The following CELF2 variants were observed in gnomAD, a reference collection of about 807,000 sequenced individuals.
CELF2 encodes the protein CUG triplet repeat RNA-binding protein 2.
A neutral mutation model predicts 62.6 loss-of-function variants in CELF2; 8 were observed. That is an observed-to-expected ratio of 0.13 (90% CI 0.07 to 0.23). CELF2 has a LOEUF of 0.23. Among genes scored for constraint, CELF2 ranks in the 10% least tolerant of loss-of-function variants. The pLI, the probability that CELF2 is intolerant of heterozygous loss-of-function variation, is 1.00. For synonymous variants in CELF2, 258 were observed against 250.0 expected, an observed-to-expected ratio of 1.03 and a Z score of -0.30; for missense variants, 333 against 671.0, an observed-to-expected ratio of 0.50 and a Z score of 5.56.
At chr10:11,252,357 C>G (rs989528966) in intron 4 of CELF2, among the ~76,000 whole-genome samples, 1 of 152,224 alleles carries the variant, frequency 6.6e-6, no homozygotes, top group Non-Finnish European at 1.5e-5. Flanking sequence ...ATTGAGTTTG[C>G]TGACATTTAT....
chr10:10,983,447 A>G lies in CELF2; in HGVS notation c.89+63448A>G, dbSNP rs1209425330. On this transcript the variant is annotated intron_variant, in intron 2 of 13. Transcript: ENST00000636488. The surrounding 1 kb of genome is among the most constrained non-coding windows in gnomAD (Gnocchi z 5.2). ...TGAGAAGCAAAGAGTAAACACATATATAACATGGTTCTAGTTCTTGTACTG... is the reference window on the plus strand; with the variant it reads ...TGAGAAGCAAAGAGTAAACACATATGTAACATGGTTCTAGTTCTTGTACTG... Among the ~76,000 whole-genome samples, 11 of 152,210 alleles carry G rather than the reference A, an allele frequency of 7.2e-5. No individual in the cohort carries two copies. The highest frequency in any genetic ancestry group is 6.5e-4 in the Admixed American group (10 of 15,282).
At chr10:10,918,017 C>T (rs933898249) in intron 1 of CELF2, 1 of 152,174 alleles carries the variant, frequency 6.6e-6, no homozygotes, top group African/African-American at 2.4e-5. Flanking sequence ...TATCTTAACT[C>T]TGTGCTGTTA....
chr10:11,265,730 A>G (rs1020033689), intron 5 of CELF2, among the ~76,000 whole-genome samples: 7 of 152,234 alleles, frequency 4.6e-5, no homozygotes, highest in Non-Finnish European at 8.8e-5. Flanking sequence ...GGCACTACAG[A>G]GTCTAGTTAT....
the CELF2 span, among the ~76,000 whole-genome samples, chr10:10,604,975 T>C: frequency 1.3e-5 from 2 of 152,248 alleles, no homozygotes; most frequent in East Asian, 3.9e-4. Context: ...TGCACATTTA[T>C]GTTCATCGCA....
the CELF2 span, among the ~76,000 whole-genome samples, chr10:10,566,524 C>A: frequency 1.3e-5 from 2 of 149,678 alleles, no homozygotes; most frequent in African/African-American, 4.9e-5. Context: ...CCCACTAACT[C>A]GTCATCTAGC....
rs905681949 is a variant in CELF2 at position 11,305,418 on chromosome 10, C to T, written c.977-8721C>T. On this transcript the variant is annotated intron_variant, in intron 9 of 12. Transcript: ENST00000633077. The surrounding 1 kb of genome is among the most constrained non-coding windows in gnomAD (Gnocchi z 4.8). ...TACACCGGGGCCAGTCCCTTCAACA[C>T]TCTGGGCCTCTGCTTCCTCATCTTT... Among the ~76,000 whole-genome samples the T allele has an allele frequency of 2.0e-5, 3 of 152,242 alleles. No homozygotes were observed. Among genetic ancestry groups the T allele is most frequent in the Non-Finnish European group, 1.5e-5 (1 of 68,050 alleles).
At chr10:10,717,093 G>A in the CELF2 span, among the ~76,000 whole-genome samples, 4 of 152,158 alleles carry the variant, frequency 2.6e-5, no homozygotes, top group African/African-American at 9.7e-5. Flanking sequence ...AGATTTCTTG[G>A]TAACCTGAGC....
At position 11,191,907 on chromosome 10, in the gene CELF2, G is replaced by T. The variant is rs1343513530; in HGVS notation, c.272-25518G>T. On this transcript the variant is annotated intron_variant, in intron 2 of 12. Transcript: ENST00000633077. This position sits in a 1 kb window ranked among gnomAD's most constrained non-coding sequence, Gnocchi z 4.1. ...CCCTGCCCTCCCATGCAGAGGCCCC[G>T]CCCTGTGTCCACTCTACTTCTTAGG... Among the ~76,000 whole-genome samples the T allele has an allele frequency of 6.6e-6, 1 of 151,932 alleles. No individual in the cohort carries two copies. The highest frequency in any genetic ancestry group is 1.5e-5 in the Non-Finnish European group (1 of 67,948).
chr10:10,888,921 G>T (rs996074706), intron 1 of CELF2, among the ~76,000 whole-genome samples: 1 of 152,154 alleles, frequency 6.6e-6, no homozygotes, highest in Non-Finnish European at 1.5e-5. Flanking sequence ...CGGGGACCAT[G>T]TCACTCTTAT....
the CELF2 span, among the ~76,000 whole-genome samples, chr10:10,499,887 A>G: frequency 6.6e-6 from 1 of 152,166 alleles, no homozygotes; most frequent in East Asian, 1.9e-4. Context: ...TTGTGGGGGA[A>G]AAACAGCTCC....
intron 2 of CELF2, among the ~76,000 whole-genome samples, chr10:11,185,031 T>G (rs1565156010): frequency 2.0e-5 from 3 of 152,244 alleles, no homozygotes; most frequent in Admixed American, 6.5e-5. Context: ...ATGCCCTTTA[T>G]CAAGGACATT....
At chr10:10,652,988 C>A in the CELF2 span, among the ~76,000 whole-genome samples, 2 of 152,050 alleles carry the variant, frequency 1.3e-5, no homozygotes, top group African/African-American at 4.8e-5. Flanking sequence ...TGTGCAGAGA[C>A]ACACATAGGC....
chr10:11,328,215 C>T lies in CELF2; in HGVS notation c.1439-711C>T, dbSNP rs546711761. ...TTGGGAGATGCCAGGGAGCAATTTCCTTTCTGCTGAATTTACTGGAGCTTT... is the reference window on the plus strand; with the variant it reads ...TTGGGAGATGCCAGGGAGCAATTTCTTTTCTGCTGAATTTACTGGAGCTTT... On this transcript the variant is annotated intron_variant, in intron 12 of 12. Coordinates refer to ENST00000633077, the MANE Select transcript of CELF2 (RefSeq NM_001326342.2). This position sits in a 1 kb window ranked among gnomAD's most constrained non-coding sequence, Gnocchi z 6.4. Among the ~76,000 whole-genome samples the T allele has an allele frequency of 5.3e-5, 8 of 152,214 alleles. No individual in the cohort carries two copies. The highest frequency in any genetic ancestry group is 1.2e-4 in the Non-Finnish European group (8 of 68,046).
the CELF2 span, among the ~76,000 whole-genome samples, chr10:10,612,913 TAG>T: frequency 2.0e-5 from 3 of 152,208 alleles, no homozygotes; most frequent in Admixed American, 6.5e-5. Context: ...ATTGTAAGAA[TAG>T]AGTCTTAGCT....
At chr10:10,911,707 G>A (rs1456851650) in intron 1 of CELF2, among the ~76,000 whole-genome samples, 1 of 152,250 alleles carries the variant, frequency 6.6e-6, no homozygotes, top group Non-Finnish European at 1.5e-5. Flanking sequence ...GATTTAAAGA[G>A]TAACTCCGCC....
chr10:11,248,901 A>C (rs572905208), intron 3 of CELF2, among the ~76,000 whole-genome samples: 8 of 152,268 alleles, frequency 5.3e-5, no homozygotes, highest in African/African-American at 1.9e-4. Context: ...ACCAGGTTTC[A>C]CACTGAAGTC....
the CELF2 span, among the ~76,000 whole-genome samples, chr10:10,493,821 C>G: frequency 6.6e-6 from 1 of 152,080 alleles, no homozygotes; most frequent in Admixed American, 6.6e-5. Flanking sequence ...CCTGAGCCAC[C>G]GTGCCCAGCT....
chr10:11,313,041 T>A (rs2094663657), intron 9 of CELF2, among the ~76,000 whole-genome samples: 1 of 152,222 alleles, frequency 6.6e-6, no homozygotes, highest in Non-Finnish European at 1.5e-5. Flanking sequence ...GTGTTGTTTT[T>A]AAACCTGTCT....
At chr10:11,121,209 A>C (rs997236846) in intron 1 of CELF2, among the ~76,000 whole-genome samples, 36 of 152,282 alleles carry the variant, frequency 2.4e-4, no homozygotes, top group African/African-American at 7.0e-4. Flanking sequence ...TTCTTCCTTG[A>C]TGGGTCCAAT....
Sources: allele counts gnomAD v4.1 joint callset (sites outside exome capture counted in the v4.1 genomes callset), GRCh38; gene constraint gnomAD v4.1.1; non-coding constraint Gnocchi (gnomAD v3.1); transcripts MANE v1.5; gene names NCBI Gene and HGNC (gene_info 2026-07-23, HGNC 2026-07-21).